The following PKHD1 variants were observed in gnomAD, a reference collection of about 807,000 sequenced individuals.
PKHD1 encodes PKHD1 ciliary IPT domain containing fibrocystin/polyductin.
A neutral mutation model predicts 412.0 loss-of-function variants in PKHD1; 291 were observed. That is an observed-to-expected ratio of 0.71 (90% confidence interval 0.64 to 0.78). The LOEUF (loss-of-function observed/expected upper bound fraction) is 0.78. Among genes scored for constraint, PKHD1 ranks in the 30% least tolerant of loss-of-function variants. PKHD1 has a pLI of 0.00. For missense variants in PKHD1, 4,825 were observed against 4,950.7 expected (o/e 0.97, Z 0.76); for synonymous variants, 1,777 against 1,821.5 (o/e 0.98, Z 0.62).
chr6:52,048,697 T>C (rs778467897), intron 22 of PKHD1, 78 bp from the exon 23 acceptor site: 15 of 1,567,120 alleles, frequency 9.6e-6, no homozygotes, highest in Non-Finnish European at 1.3e-5. Flanking sequence ...AAGGATGTCC[T>C]GTCTTGCTTA....
intron 36 of PKHD1, among the ~76,000 whole-genome samples, chr6:51,959,620 A>G (rs929806414): frequency 6.6e-5 from 10 of 152,104 alleles, no homozygotes; most frequent in African/African-American, 2.4e-4. Context: ...TTCTTTGAGA[A>G]CACTGTTAAC....
intron 55 of PKHD1, among the ~76,000 whole-genome samples, chr6:51,758,040 G>GAGAGAC (rs1554222882): frequency 2.7e-5 from 4 of 150,320 alleles, no homozygotes; most frequent in African/African-American, 9.9e-5. Flanking sequence ...GAGAGAGAGA[G>GAGAGAC]AGAGAGAGAG....
At chr6:51,860,288 CA>C (rs1773977722) in intron 48 of PKHD1, among the ~76,000 whole-genome samples, 1 of 152,204 alleles carries the variant, frequency 6.6e-6, no homozygotes, top group Admixed American at 6.5e-5. Flanking sequence ...TGACCATCAC[CA>C]GGGGCCAAAA....
intron 43 of PKHD1, among the ~76,000 whole-genome samples, chr6:51,888,220 A>G (rs1417378356): frequency 6.6e-6 from 1 of 152,166 alleles, no homozygotes; most frequent in Admixed American, 6.5e-5. Flanking sequence ...TCGCCTTGAT[A>G]TTTCTTTATA....
At chr6:51,633,703 G>C (rs1286046517) in intron 64 of PKHD1, among the ~76,000 whole-genome samples, 1 of 152,118 alleles carries the variant, frequency 6.6e-6, no homozygotes, top group Admixed American at 6.6e-5. Flanking sequence ...AAACTATAGA[G>C]TTAAAGAACA....
rs1255117736 is a variant in PKHD1 at position 51,804,365 on chromosome 6, G to T, written c.8303-12992C>A. On this transcript the variant is annotated intron_variant, in intron 52 of 66. Coordinates refer to ENST00000371117, the MANE Select transcript of PKHD1 (RefSeq NM_138694.4). ...TAGAGAAATACTAATTCATTGGGGG[G>T]GGGGGGGGCGGTAACAGGAGAAATT... Among the ~76,000 whole-genome samples, 4 of 103,292 alleles carry T rather than the reference G, an allele frequency of 3.9e-5. 1 individual carries two copies. Among genetic ancestry groups the T allele is most frequent in the South Asian group, 5.0e-4 (1 of 2,014 alleles). The allele number at this position is 103,292 out of a possible 152,430, so 67.8% of individuals were successfully genotyped here.
At chr6:52,052,354 C>G (rs1466482834) in intron 21 of PKHD1, among the ~76,000 whole-genome samples, 2 of 152,180 alleles carry the variant, frequency 1.3e-5, no homozygotes, top group African/African-American at 4.8e-5. Context: ...GTCCCTAAGA[C>G]TAGCGGGCAA....
chr6:51,948,059 A>G (rs1241184651), intron 36 of PKHD1, among the ~76,000 whole-genome samples: 1 of 152,066 alleles, frequency 6.6e-6, no homozygotes, highest in East Asian at 1.9e-4. Context: ...TTCCACCTTC[A>G]AAACGTCCCC....
At chr6:51,625,816 T>C (rs1767156074) in intron 66 of PKHD1, among the ~76,000 whole-genome samples, 1 of 152,164 alleles carries the variant, frequency 6.6e-6, no homozygotes, top group Non-Finnish European at 1.5e-5. Context: ...CAAACACCTG[T>C]CCTGAGTTTA....
At chr6:51,886,007 T>C in intron 44 of PKHD1, 35 bp from the exon 45 acceptor site, 1 of 1,205,754 alleles carries the variant, frequency 8.3e-7, no homozygotes, top group Non-Finnish European at 1.2e-6. Flanking sequence ...TAAGCCAATT[T>C]TTATGTTTCT....
intron 55 of PKHD1, among the ~76,000 whole-genome samples, chr6:51,765,011 T>C (rs1213548068): frequency 6.6e-6 from 1 of 152,086 alleles, no homozygotes; most frequent in African/African-American, 2.4e-5. Flanking sequence ...AAATTATGCA[T>C]CTGATTTTCT....
intron 43 of PKHD1, among the ~76,000 whole-genome samples, chr6:51,894,264 G>A (rs1355990981): frequency 6.6e-6 from 1 of 152,074 alleles, no homozygotes; most frequent in African/African-American, 2.4e-5. Flanking sequence ...CATGGCAAAC[G>A]CCTATTTAAG....
At chr6:51,868,546 T>C (rs906386250) in intron 47 of PKHD1, among the ~76,000 whole-genome samples, 2 of 152,244 alleles carry the variant, frequency 1.3e-5, no homozygotes, top group African/African-American at 4.8e-5. Flanking sequence ...CAAAGAATTA[T>C]CTCACCCAAA....
chr6:51,853,212 T>C (rs1772639111), intron 49 of PKHD1, among the ~76,000 whole-genome samples: 5 of 152,244 alleles, frequency 3.3e-5, no homozygotes. Flanking sequence ...AATTCTTTTC[T>C]TTAAGAATGT....
chr6:51,637,762 G>A (rs1464700748), intron 64 of PKHD1, among the ~76,000 whole-genome samples: 3 of 152,060 alleles, frequency 2.0e-5, no homozygotes. Context: ...AAATTAGCCA[G>A]GCTTGGTGGC....
At chr6:51,779,508 G>T (rs984781089) in intron 53 of PKHD1, among the ~76,000 whole-genome samples, 2 of 151,990 alleles carry the variant, frequency 1.3e-5, no homozygotes, top group Non-Finnish European at 2.9e-5. Flanking sequence ...CTCAGTGAGC[G>T]CAAGAAGAAA....
intron 37 of PKHD1, among the ~76,000 whole-genome samples, chr6:51,925,221 T>C (rs1184120127): frequency 6.6e-6 from 1 of 152,168 alleles, no homozygotes; most frequent in Non-Finnish European, 1.5e-5. Context: ...AAATGGAAAC[T>C]ACAGAAAGTT....
At chr6:51,731,439 T>A (rs1161056141) in intron 60 of PKHD1, among the ~76,000 whole-genome samples, 1 of 152,178 alleles carries the variant, frequency 6.6e-6, no homozygotes, top group Admixed American at 6.5e-5. Context: ...AGTAGTAAAA[T>A]TCTCAGTCTC....
At position 51,804,367 on chromosome 6, in the gene PKHD1, GGGGGGGC is replaced by G. The variant is rs1231304834; in HGVS notation, c.8303-13001_8303-12995del. Among the ~76,000 whole-genome samples, 26 of 102,212 alleles carry G rather than the reference GGGGGGGC, an allele frequency of 2.5e-4. 5 individuals carry two copies. Among genetic ancestry groups the G allele is most frequent in the South Asian group, 1.0e-3 (2 of 1,996 alleles). 67.1% of individuals were successfully genotyped at this position (102,212 alleles called of 152,430 possible). On this transcript the variant is annotated intron_variant, in intron 52 of 66. Coordinates refer to ENST00000371117, the MANE Select transcript of PKHD1 (RefSeq NM_138694.4). The stretch of plus-strand genomic sequence containing the variant: ...GAGAAATACTAATTCATTGGGGGGG[GGGGGGGC>G]GGTAACAGGAGAAATTAAGCGAAAT...
Sources: gnomAD v4.1 joint callset for allele counts (sites outside exome capture counted in the v4.1 genomes callset) on GRCh38, gnomAD v4.1.1 for gene constraint, MANE v1.5 for transcripts, NCBI Gene and HGNC (gene_info 2026-07-23, HGNC 2026-07-21) for gene names.